Variants in DOK7 observed in about 807,000 individuals in gnomAD.
DOK7 encodes the protein protein Dok-7.
DOK7 carries 32 observed loss-of-function variants against 30.7 expected under a neutral mutation model. That is an observed-to-expected ratio of 1.04 (90% CI 0.79 to 1.40). The LOEUF is 1.40. DOK7 is among the 40% of genes most tolerant of loss of function. The pLI, the probability that DOK7 is intolerant of heterozygous loss-of-function variation, is 0.00. For synonymous variants in DOK7, 447 were observed against 324.1 expected (o/e 1.38, Z -4.07); for missense variants, 1,007 against 699.2 (o/e 1.44, Z -4.97).
In DOK7 at chr4:3,463,340, C is replaced by T. The variant is rs753349076; in HGVS notation, c.-36C>T. On this transcript the variant is annotated 5_prime_UTR_variant, in exon 1 of 7. Transcript: ENST00000340083. ...TGAAAGTGACCCTGGGCTGGGGCGCCGGGGCGAGCGCGGCGGCGCGGAACC... is the reference window on the plus strand; with the variant it reads ...TGAAAGTGACCCTGGGCTGGGGCGCTGGGGCGAGCGCGGCGGCGCGGAACC... 4 of 1,439,428 alleles carry T rather than the reference C, an allele frequency of 2.8e-6. No homozygotes were observed. Among genetic ancestry groups the T allele is most frequent in the African/African-American group, 3.0e-5 (2 of 67,372 alleles). The allele number at this position is 1,439,428 out of a possible 1,614,324, so 89.2% of individuals were successfully genotyped here. A position where few individuals can be genotyped will look rare whatever the true frequency, so the allele number is the denominator to read the frequency against.
intron 4 of DOK7, among the ~76,000 whole-genome samples, chr4:3,477,195 C>T (rs1002286423): frequency 2.0e-5 from 3 of 152,288 alleles, no homozygotes; most frequent in Non-Finnish European, 4.4e-5. Flanking sequence ...TCCACTTTCT[C>T]CCATGTTGGG....
chr4:3,497,025 A>ACAGTGGATGTTGGGTGG, downstream of DOK7, among the ~76,000 whole-genome samples: 1 of 150,686 alleles, frequency 6.6e-6, no homozygotes, highest in East Asian at 2.0e-4. Flanking sequence ...TTGTTGGCTG[A>ACAGTGGATGTTGGGTGG]CAGTGGATGT....
intron 5 of DOK7, among the ~76,000 whole-genome samples, 194 bp downstream of exon 5, chr4:3,485,852 A>G (rs1450983268): frequency 6.6e-6 from 1 of 152,260 alleles, no homozygotes; most frequent in Non-Finnish European, 1.5e-5. Flanking sequence ...GATTCAGAGC[A>G]GCGGGGGCTG....
intron 2 of DOK7, among the ~76,000 whole-genome samples, chr4:3,471,918 G>T (rs975511972): frequency 6.6e-6 from 1 of 152,254 alleles, no homozygotes; most frequent in Non-Finnish European, 1.5e-5. Context: ...ACGCACTGTC[G>T]CCGCGCCCAC....
At chr4:3,463,683 G>A (rs533041832) in intron 2 of DOK7, 132 bp downstream of exon 2, 7 of 1,187,176 alleles carry the variant, frequency 5.9e-6, no homozygotes, top group South Asian at 2.7e-5. Flanking sequence ...AGCCCCGTGC[G>A]GACCCGGACC....
exon 8 of DOK7, chr4:3,500,701 C>T: frequency 6.5e-7 from 1 of 1,535,818 alleles, no homozygotes; most frequent in South Asian, 1.2e-5. Context: ...GGGGCTGGCG[C>T]CTCCCTCTAC....
At chr4:3,500,820 C>A (rs558560968) in exon 8 of DOK7, 1 of 1,531,070 alleles carries the variant, frequency 6.5e-7, no homozygotes, top group South Asian at 1.2e-5. Context: ...GGCAGCCCCG[C>A]AGTGAGGTCA....
At position 3,492,902 on chromosome 4, in the gene DOK7, G is replaced by A. The variant is rs1388973359; in HGVS notation, c.916G>A (p.Ala306Thr). Reference sequence around the variant, plus strand: ...GGGGCCTAGACCAGCAGCTGCCCAGGCCGCCGGGGAAGCCATGGTGGGTGC... The same window carrying A: ...GGGGCCTAGACCAGCAGCTGCCCAGACCGCCGGGGAAGCCATGGTGGGTGC... Reference protein sequence around the residue: ...QEGPRPAAAQAAGEAMVGASR... With the variant: ...QEGPRPAAAQTAGEAMVGASR... The change falls in exon 7 of 7, where the codon GCC becomes ACC. Residue 306 changes from alanine to threonine, a missense_variant. Coordinates refer to ENST00000340083, the MANE Select transcript of DOK7 (RefSeq NM_173660.5). 2 of 1,580,904 alleles carry A rather than the reference G, an allele frequency of 1.3e-6. No homozygotes were observed. The highest frequency in any genetic ancestry group is 1.7e-6 in the Non-Finnish European group (2 of 1,166,428).
rs1395963721 is a variant in DOK7 at position 3,490,691 on chromosome 4, TCCTTC to T, written c.772+898_772+902del. Among the ~76,000 whole-genome samples, 4 of 101,866 alleles carry T rather than the reference TCCTTC, an allele frequency of 3.9e-5. No individual in the cohort carries two copies. In the Admixed American group the frequency reaches 4.1e-4, roughly 11 times the overall value. 66.8% of individuals were successfully genotyped at this position (101,866 alleles called of 152,430 possible). A position where few individuals can be genotyped will look rare whatever the true frequency, so the allele number is the denominator to read the frequency against. ...TCCTCCCTTCCCCGCATTCCTTCCT[TCCTTC>T]CCCCCTCATGCATTCCTTCATTTCC... On this transcript the variant is annotated intron_variant, in intron 6 of 6. Coordinates refer to ENST00000340083, the MANE Select transcript of DOK7 (RefSeq NM_173660.5).
chr4:3,469,763 A>T (rs1417633394), intron 2 of DOK7, among the ~76,000 whole-genome samples: 1 of 152,214 alleles, frequency 6.6e-6, no homozygotes, highest in African/African-American at 2.4e-5. Context: ...CAGTTCCTGC[A>T]GCGCTTTGCC....
At chr4:3,489,542 G>A (rs530640455) in intron 5 of DOK7, 135 bp from the exon 6 acceptor site, 40 of 1,407,506 alleles carry the variant, frequency 2.8e-5, no homozygotes, top group Non-Finnish European at 3.6e-5. Flanking sequence ...ATGAGGCATC[G>A]GGAGGAGCGG....
chr4:3,498,197 G>A (rs559453159), downstream of DOK7, among the ~76,000 whole-genome samples: 250 of 152,276 alleles, frequency 1.6e-3, 1 homozygote, highest in Non-Finnish European at 2.9e-3. Context: ...GAGTATCCGA[G>A]GTACTGGAAG....
chr4:3,477,965 G>A (rs1404540767), intron 4 of DOK7, among the ~76,000 whole-genome samples: 1 of 152,182 alleles, frequency 6.6e-6, no homozygotes, highest in Non-Finnish European at 1.5e-5. Context: ...GGTTGGCGGT[G>A]GCTGGGCACA....
At chr4:3,500,614 G>A in intron 7 of DOK7, 1 of 1,531,832 alleles carries the variant, frequency 6.5e-7, no homozygotes, top group Admixed American at 2.0e-5. Context: ...GCCTGGCTGG[G>A]GGACTGGTGT....
At chr4:3,500,395 G>A (rs940436092) in exon 7 of DOK7, 61 of 1,535,914 alleles carry the variant, frequency 4.0e-5, no homozygotes, top group Admixed American at 5.9e-5. Context: ...GCCAGCGAGG[G>A]TGTCCGAGGT....
chr4:3,470,855 C>T (rs890077172), intron 2 of DOK7, among the ~76,000 whole-genome samples: 3 of 152,206 alleles, frequency 2.0e-5, no homozygotes, highest in Non-Finnish European at 4.4e-5. Context: ...GGGAATGTAA[C>T]TTGTTGAACA....
chr4:3,490,436 C>CATTTCTCTCCTGCTCA (rs1560226959), intron 6 of DOK7, among the ~76,000 whole-genome samples: 1 of 118,084 alleles, frequency 8.5e-6, no homozygotes, highest in African/African-American at 3.5e-5. Flanking sequence ...TCATTCATTC[C>CATTTCTCTCCTGCTCA]TTCATTTCTC....
At chr4:3,496,659 G>A (rs1338726643), downstream of DOK7, among the ~76,000 whole-genome samples, 1 of 152,038 alleles carries the variant, frequency 6.6e-6, no homozygotes, top group Non-Finnish European at 1.5e-5. Flanking sequence ...GGGCCCTGGA[G>A]AGAAGGCATC....
intron 2 of DOK7, among the ~76,000 whole-genome samples, chr4:3,467,461 C>CG (rs1553845030): frequency 7.4e-5 from 10 of 135,112 alleles, no homozygotes; most frequent in Admixed American, 2.9e-4. Flanking sequence ...CCCCCCCCCC[C>CG]ACCCCAGACA....
Sources: gnomAD v4.1 joint callset for allele counts (sites outside exome capture counted in the v4.1 genomes callset) on GRCh38, gnomAD v4.1.1 for gene constraint, MANE v1.5 for transcripts, NCBI Gene and HGNC (gene_info 2026-07-23, HGNC 2026-07-21) for gene names.